Variants in GRM8 observed in about 807,000 individuals in gnomAD.
The protein encoded by GRM8 is glutamate metabotropic receptor 8.
Under a neutral mutation model 87.2 loss-of-function variants are expected in GRM8, and 47 were observed. That is an observed-to-expected ratio of 0.54 (90% CI 0.43 to 0.69). The LOEUF (loss-of-function observed/expected upper bound fraction) is 0.69, where lower values mean the gene tolerates loss of function less well. Among genes scored for constraint, GRM8 ranks in the 30% least tolerant of loss-of-function variants. The pLI is 0.00. For synonymous variants in GRM8, 396 were observed against 404.5 expected (o/e 0.98, Z 0.25); for missense variants, 1,019 against 1,139.2 (o/e 0.89, Z 1.52).
At chr7:127,080,155 A>G (rs1225809212) in intron 3 of GRM8, among the ~76,000 whole-genome samples, 1 of 152,138 alleles carries the variant, frequency 6.6e-6, no homozygotes, top group Non-Finnish European at 1.5e-5. Flanking sequence ...TAAATTGGGA[A>G]GGGGGAGGCA....
intron 7 of GRM8, among the ~76,000 whole-genome samples, chr7:126,762,189 T>A (rs540230073): frequency 6.6e-6 from 1 of 151,920 alleles, no homozygotes; most frequent in Non-Finnish European, 1.5e-5. Flanking sequence ...TTATGAAAGA[T>A]AAACATGAAC....
chr7:126,960,462 C>A (rs535860340), intron 3 of GRM8, among the ~76,000 whole-genome samples: 89 of 152,134 alleles, frequency 5.9e-4, no homozygotes, highest in Admixed American at 1.1e-3. Context: ...AATGAACAAA[C>A]AATAAACTAA....
chr7:127,095,023 A>T (rs1341015821), intron 3 of GRM8, among the ~76,000 whole-genome samples: 1 of 152,236 alleles, frequency 6.6e-6, no homozygotes, highest in Non-Finnish European at 1.5e-5. Context: ...ATGCATAGTC[A>T]AACCTTACCA....
intron 3 of GRM8, among the ~76,000 whole-genome samples, chr7:127,022,565 G>A (rs961367441): frequency 3.3e-5 from 5 of 151,886 alleles, no homozygotes; most frequent in South Asian, 2.1e-4. Context: ...AAGGGATTTC[G>A]CTTCAGGCCA....
At chr7:127,141,331 C>T (rs1322547355) in intron 2 of GRM8, among the ~76,000 whole-genome samples, 1 of 151,986 alleles carries the variant, frequency 6.6e-6, no homozygotes, top group South Asian at 2.1e-4. Context: ...GCACTCAGAC[C>T]TGAGTAGATG....
intron 6 of GRM8, among the ~76,000 whole-genome samples, chr7:126,804,623 C>A (rs943228705): frequency 2.6e-5 from 4 of 152,178 alleles, no homozygotes; most frequent in African/African-American, 9.7e-5. Context: ...AAGATCCATT[C>A]AACGAAGACA....
At chr7:126,466,409 T>C (rs1804507653) in intron 9 of GRM8, among the ~76,000 whole-genome samples, 1 of 151,946 alleles carries the variant, frequency 6.6e-6, no homozygotes, top group African/African-American at 2.4e-5. Flanking sequence ...TTTTTCCTCT[T>C]CCTTTTGAAG....
chr7:127,094,329 G>A (rs181525430), intron 3 of GRM8, among the ~76,000 whole-genome samples: 33 of 152,328 alleles, frequency 2.2e-4, no homozygotes, highest in African/African-American at 7.9e-4. Flanking sequence ...TGGGAGGCAT[G>A]CAGAGACCAG....
chr7:126,620,288 T>C (rs1799982587), intron 7 of GRM8, among the ~76,000 whole-genome samples: 1 of 152,178 alleles, frequency 6.6e-6, no homozygotes, highest in Admixed American at 6.5e-5. Flanking sequence ...GATGCTGTCT[T>C]AAAACAAACT....
chr7:127,033,036 C>A (rs1235547550), intron 3 of GRM8, among the ~76,000 whole-genome samples: 2 of 126,218 alleles, frequency 1.6e-5, no homozygotes, highest in African/African-American at 3.1e-5. Context: ...AACATGGTAT[C>A]TTGTTTTAAT....
intron 2 of GRM8, among the ~76,000 whole-genome samples, chr7:127,146,382 T>C (rs900757854): frequency 3.9e-5 from 6 of 151,928 alleles, no homozygotes; most frequent in Non-Finnish European, 8.8e-5. Context: ...AAACTGTGGT[T>C]CCCAGAGCTA....
intron 2 of GRM8, among the ~76,000 whole-genome samples, chr7:127,233,402 G>A (rs577516081): frequency 6.6e-6 from 1 of 152,078 alleles, no homozygotes; most frequent in African/African-American, 2.4e-5. Flanking sequence ...ATTTACATCA[G>A]TATGACATGG....
intron 7 of GRM8, among the ~76,000 whole-genome samples, chr7:126,694,484 C>A (rs1259080326): frequency 2.0e-5 from 3 of 152,096 alleles, no homozygotes; most frequent in Non-Finnish European, 4.4e-5. Flanking sequence ...TTAATGGAAG[C>A]TATTATCTAT....
chr7:126,828,394 G>T (rs1001920363), intron 6 of GRM8, among the ~76,000 whole-genome samples: 3 of 152,094 alleles, frequency 2.0e-5, no homozygotes, highest in African/African-American at 7.2e-5. Context: ...TTCAGATCCT[G>T]TTATTGGTCT....
chr7:126,971,502 C>T (rs1246078999), intron 3 of GRM8, among the ~76,000 whole-genome samples: 2 of 152,042 alleles, frequency 1.3e-5, no homozygotes, highest in African/African-American at 2.4e-5. Flanking sequence ...GAAACTGAAG[C>T]CCAGAAAGTT....
At chr7:126,604,367 C>T (rs961587383) in intron 8 of GRM8, among the ~76,000 whole-genome samples, 5 of 152,084 alleles carry the variant, frequency 3.3e-5, no homozygotes, top group Non-Finnish European at 7.4e-5. Flanking sequence ...TTTACAGCTA[C>T]TCCCTATTCA....
At chr7:126,644,685 GA>G (rs1802845286) in intron 7 of GRM8, among the ~76,000 whole-genome samples, 1 of 152,188 alleles carries the variant, frequency 6.6e-6, no homozygotes. Context: ...CCACAGTGGG[GA>G]AAGAACAACT....
chr7:126,521,538 A>T (rs17149911), intron 9 of GRM8, among the ~76,000 whole-genome samples: 4,121 of 152,216 alleles, frequency 0.027, 155 homozygotes, highest in East Asian at 0.079. Context: ...TACCTTATGG[A>T]CTCAATATAT....
At chr7:126,982,802 T>C (rs1428788372) in intron 3 of GRM8, among the ~76,000 whole-genome samples, 25 of 152,184 alleles carry the variant, frequency 1.6e-4, no homozygotes, top group Non-Finnish European at 1.5e-5. Context: ...CCTTTGCCTT[T>C]AGCAAGCACC....
Sources: gnomAD v4.1 joint callset for allele counts (sites outside exome capture counted in the v4.1 genomes callset) on GRCh38, gnomAD v4.1.1 for gene constraint, MANE v1.5 for transcripts, NCBI Gene and HGNC (gene_info 2026-07-23, HGNC 2026-07-21) for gene names.